Variants in RBMS3 observed in about 807,000 individuals in gnomAD.
RBMS3 encodes the protein RNA-binding motif, single-stranded-interacting protein 3.
A neutral mutation model predicts 66.8 loss-of-function variants in RBMS3; 27 were observed. The observed-to-expected ratio is 0.40, with a 90% CI of 0.30 to 0.56. The LOEUF (loss-of-function observed/expected upper bound fraction) is 0.56, where lower values mean the gene tolerates loss of function less well. RBMS3 is among the 20% of genes least tolerant of loss of function. RBMS3 has a pLI of 0.40. For synonymous variants in RBMS3, 188 were observed against 183.0 expected, an observed-to-expected ratio of 1.03 and a Z score of -0.22; for missense variants, 513 against 549.5, an observed-to-expected ratio of 0.93 and a Z score of 0.66.
intron 1 of RBMS3, among the ~76,000 whole-genome samples, chr3:29,323,809 C>A (rs559459454): frequency 1.3e-5 from 2 of 151,464 alleles, no homozygotes; most frequent in South Asian, 4.2e-4. Context: ...TTCTTATTTC[C>A]CCCATGATTT....
chr3:29,464,573 C>G (rs1407429412), intron 2 of RBMS3, among the ~76,000 whole-genome samples: 1 of 152,048 alleles, frequency 6.6e-6, no homozygotes, highest in East Asian at 1.9e-4. Flanking sequence ...GTCTTGAAAT[C>G]TTTTTTAAAA....
At chr3:29,565,192 C>T (rs370011851) in intron 3 of RBMS3, among the ~76,000 whole-genome samples, 1 of 152,220 alleles carries the variant, frequency 6.6e-6, no homozygotes, top group South Asian at 2.1e-4. Flanking sequence ...ATGTTCCAAA[C>T]GTTTATCTTG....
intron 1 of RBMS3, among the ~76,000 whole-genome samples, chr3:29,368,659 T>TA (rs1019794676): frequency 2.8e-5 from 4 of 144,890 alleles, no homozygotes; most frequent in African/African-American, 1.0e-4. Flanking sequence ...CAATTTGTAT[T>TA]AGTCTTTTTT....
intron 12 of RBMS3, among the ~76,000 whole-genome samples, chr3:29,964,663 T>C (rs775269248): frequency 5.3e-5 from 8 of 152,208 alleles, no homozygotes; most frequent in Non-Finnish European, 7.3e-5. Context: ...TGGGGGCCAA[T>C]TGTATGGTAA....
intron 10 of RBMS3, among the ~76,000 whole-genome samples, chr3:29,928,847 C>T (rs1451025955): frequency 6.6e-6 from 1 of 151,530 alleles, no homozygotes; most frequent in African/African-American, 2.4e-5. Flanking sequence ...TTGCTCCTCT[C>T]TTCTCCCATA....
rs545385951 is a variant in RBMS3, at chr3:29,602,319, G to C, written c.399+15114G>C. ...ACCCATGTCTGAAACGTTCAGTCTTGGCAATCAAGGCTCTCACCTCAGCAT... is the reference window on the plus strand; with the variant it reads ...ACCCATGTCTGAAACGTTCAGTCTTCGCAATCAAGGCTCTCACCTCAGCAT... On this transcript the variant is annotated intron_variant, in intron 4 of 14. Coordinates refer to ENST00000383767, the MANE Select transcript of RBMS3 (RefSeq NM_001003793.3). 1.4e-3 allele frequency among the ~76,000 whole-genome samples: 215 copies of C among 152,102 alleles called. 1 individual carries two copies. The highest frequency in any genetic ancestry group is 4.8e-3 in the African/African-American group (198 of 41,522).
chr3:29,878,261 G>A (rs995095379), intron 7 of RBMS3, among the ~76,000 whole-genome samples: 2 of 152,052 alleles, frequency 1.3e-5, no homozygotes, highest in African/African-American at 4.8e-5. Flanking sequence ...GGCCATGGAT[G>A]GCTACTGGTT....
At chr3:29,578,812 T>TTTTTTTA (rs2047219913) in intron 3 of RBMS3, among the ~76,000 whole-genome samples, 1 of 134,710 alleles carries the variant, frequency 7.4e-6, no homozygotes, top group Admixed American at 7.4e-5. Context: ...TTTTTTTTTT[T>TTTTTTTA]GAGACGGAGT....
At chr3:29,361,841 G>A (rs9828684) in intron 1 of RBMS3, among the ~76,000 whole-genome samples, 5,677 of 151,910 alleles carry the variant, frequency 0.037, 375 homozygotes, top group African/African-American at 0.13. Context: ...TGATTGAATC[G>A]GCTACTGAAG....
chr3:29,725,198 G>T (rs2149326903), intron 4 of RBMS3, among the ~76,000 whole-genome samples: 1 of 152,294 alleles, frequency 6.6e-6, no homozygotes, highest in African/African-American at 2.4e-5. Flanking sequence ...GAAAAACTAA[G>T]ATGTATGCAT....
intron 7 of RBMS3, among the ~76,000 whole-genome samples, chr3:29,878,991 T>C (rs1293705894): frequency 6.6e-6 from 1 of 152,106 alleles, no homozygotes; most frequent in Non-Finnish European, 1.5e-5. Context: ...GAAGTTACAG[T>C]GAGCTATACT....
Position 29,735,572 on chromosome 3 carries a change from A to G in RBMS3, c.400-4148A>G, listed in dbSNP as rs186009649. Among the ~76,000 whole-genome samples the G allele has an allele frequency of 2.6e-5, 4 of 152,320 alleles. No individual in the cohort carries two copies. The East Asian group carries it at 5.8e-4, about 22-fold the overall frequency. On this transcript the variant is annotated intron_variant, in intron 4 of 14. Coordinates refer to ENST00000383767, the MANE Select transcript of RBMS3 (RefSeq NM_001003793.3). ...ATATACACTGCAAAATATTCATTCA[A>G]TGACTGTGTGTAGAATACTAGCTAA...
At chr3:29,317,828 G>A (rs1284325306) in intron 1 of RBMS3, among the ~76,000 whole-genome samples, 5 of 151,592 alleles carry the variant, frequency 3.3e-5, no homozygotes, top group South Asian at 4.2e-4. Flanking sequence ...GACTACACTC[G>A]TTTCACCCAC....
chr3:29,529,308 G>A (rs1277047585), intron 3 of RBMS3, among the ~76,000 whole-genome samples: 1 of 152,018 alleles, frequency 6.6e-6, no homozygotes, highest in Non-Finnish European at 1.5e-5. Context: ...TCCAAATTGT[G>A]TCTATAACTT....
At chr3:29,505,800 G>A (rs910242315) in intron 3 of RBMS3, among the ~76,000 whole-genome samples, 2 of 150,890 alleles carry the variant, frequency 1.3e-5, no homozygotes, top group Admixed American at 6.6e-5. Context: ...CATCTCCTTG[G>A]TTAAATTTAA....
rs368724413 is a variant in RBMS3, at chr3:29,978,775, G to T, written c.1099-9368G>T. Among the ~76,000 whole-genome samples the T allele has an allele frequency of 7.9e-5, 12 of 151,986 alleles. No individual in the cohort carries two copies. In the South Asian group the frequency reaches 1.7e-3, roughly 21 times the overall value. On this transcript the variant is annotated intron_variant, in intron 12 of 14. Transcript: ENST00000383767. ...ATTACATAAAAATGATCAGAAGGAA[G>T]ATCTTAAGACCTTATTTACTTCAAA... is the stretch of plus-strand genomic sequence containing the variant.
intron 14 of RBMS3, among the ~76,000 whole-genome samples, chr3:29,994,671 C>T (rs1405831047): frequency 6.6e-6 from 1 of 152,236 alleles, no homozygotes; most frequent in Non-Finnish European, 1.5e-5. Context: ...ACACTGACAC[C>T]TCACACGGCA....
chr3:29,845,824 T>C (rs1011981308), intron 6 of RBMS3, among the ~76,000 whole-genome samples: 1 of 152,182 alleles, frequency 6.6e-6, no homozygotes, highest in Non-Finnish European at 1.5e-5. Context: ...TGGTTAAGAC[T>C]TACATTTTGA....
intron 3 of RBMS3, among the ~76,000 whole-genome samples, chr3:29,495,986 T>TTGAA (rs1278818202): frequency 6.6e-6 from 1 of 152,132 alleles, no homozygotes; most frequent in Non-Finnish European, 1.5e-5. Flanking sequence ...GCCTCTTTTC[T>TTGAA]AGTACCTTTA....
Sources: allele counts gnomAD v4.1 joint callset (sites outside exome capture counted in the v4.1 genomes callset), GRCh38; gene constraint gnomAD v4.1.1; transcripts MANE v1.5; gene names NCBI Gene and HGNC (gene_info 2026-07-23, HGNC 2026-07-21).